The following ANKRD46 variants were observed in gnomAD, a reference collection of about 807,000 sequenced individuals.
ANKRD46 encodes ankyrin repeat domain-containing protein 46.
Under a neutral mutation model 19.8 loss-of-function variants are expected in ANKRD46, and 13 were observed. The ratio of observed to expected loss-of-function variants is 0.66; its 90% confidence interval spans 0.43 to 1.04. The LOEUF is 1.04. Among genes scored for constraint, ANKRD46 ranks in the 50% least tolerant of loss-of-function variants. ANKRD46 has a pLI of 0.00. For missense variants in ANKRD46, 185 were observed against 274.8 expected, an observed-to-expected ratio of 0.67 and a Z score of 2.31; for synonymous variants, 91 against 106.9, an observed-to-expected ratio of 0.85 and a Z score of 0.92.
downstream of ANKRD46, chr8:100,520,701 C>A (rs1811705796): frequency 1.5e-6 from 1 of 686,362 alleles, no homozygotes. Flanking sequence ...CAGCTAATTG[C>A]AATCCATTAC....
At chr8:100,518,777 G>A (rs182055605), downstream of ANKRD46, among the ~76,000 whole-genome samples, 21 of 152,012 alleles carry the variant, frequency 1.4e-4, no homozygotes, top group African/African-American at 3.1e-4. Context: ...GCGTGAACCC[G>A]GGAGGCAGAG....
At position 100,529,546 on chromosome 8, in the gene ANKRD46, G is replaced by A. The variant is rs751551830; in HGVS notation, c.288C>T (p.Ser96=). 1.4e-5 allele frequency: 22 copies of A among 1,612,368 alleles called. No homozygotes were observed. The Admixed American group carries it at 3.7e-4, about 27-fold the overall frequency. Residue 96 remains serine, a synonymous_variant, in exon 3 of 5, where the codon TCC becomes TCT. Transcript: ENST00000335659. The surrounding 1 kb of genome is among the most constrained non-coding windows in gnomAD (Gnocchi z 5.8). The part of the protein sequence containing the change: ...GHVDTIQFLV[S]NGLKIDICNH... The stretch of plus-strand genomic sequence containing the variant: ...ACCAAATATCAATTTTGAGTCCATT[G>A]GAAACCAAAAATTGGATAGTATCCA...
intron 1 of ANKRD46, chr8:100,551,542 G>A: frequency 3.7e-6 from 3 of 805,536 alleles, no homozygotes; most frequent in Non-Finnish European, 6.3e-6. Flanking sequence ...CCTTGACGGT[G>A]TGGTGGAATT....
intron 3 of ANKRD46, 134 bp from the exon 4 acceptor site, chr8:100,528,137 C>CCAT: frequency 1.0e-6 from 1 of 992,132 alleles, no homozygotes; most frequent in Non-Finnish European, 1.4e-6. Flanking sequence ...CAATTAGGGC[C>CCAT]TACCCTAGGG....
rs1811915351 is a variant in ANKRD46 at position 100,529,595 on chromosome 8, G to A, written c.239C>T (p.Thr80Ile). ...DLLATDYQGN[T>I]ALHLCGHVDT... ...CACATGGCCACAGAGGTGAAGAGCT[G>A]TGTTTCCTTGATAATCTGTGGCCAG... The change falls in exon 3 of 5, where the codon ACA becomes ATA. Residue 80 changes from threonine (T) to isoleucine (I), a missense_variant. By Grantham distance (89) the Thr-to-Ile change is moderately conservative. Coordinates refer to ENST00000335659, the MANE Select transcript of ANKRD46 (RefSeq NM_001270377.2). This position sits in a 1 kb window ranked among gnomAD's most constrained non-coding sequence, Gnocchi z 5.8. 1.2e-6 allele frequency: 2 copies of A among 1,614,148 alleles called. No individual in the cohort carries two copies. Among genetic ancestry groups the A allele is most frequent in the African/African-American group, 1.3e-5 (1 of 74,958 alleles).
Position 100,546,744 on chromosome 8 carries a change from CA to C in ANKRD46, c.-131+12966del, listed in dbSNP as rs1289835447. 2.6e-5 allele frequency among the ~76,000 whole-genome samples: 4 copies of C among 152,234 alleles called. No homozygotes were observed. The highest frequency in any genetic ancestry group is 4.4e-5 in the Non-Finnish European group (3 of 68,046). On this transcript the variant is annotated intron_variant, in intron 1 of 4. Transcript: ENST00000335659. This position sits in a 1 kb window ranked among gnomAD's most constrained non-coding sequence, Gnocchi z 4.0. ...TTGCACCATGCATCTGGAAAAGCCA[CA>C]AGCATTTAATGCCAGCCCATGAAAG...
chr8:100,551,686 T>C (rs1812393737), intron 1 of ANKRD46: 3 of 636,122 alleles, frequency 4.7e-6, no homozygotes, highest in Non-Finnish European at 5.9e-6. Flanking sequence ...GGCCCAAATC[T>C]ATTTACTCTG....
chr8:100,514,374 A>T (rs934458473), intron 5 of ANKRD46, among the ~76,000 whole-genome samples: 1 of 152,188 alleles, frequency 6.6e-6, no homozygotes, highest in Non-Finnish European at 1.5e-5. Context: ...CTATTTTTAA[A>T]AAAAAAATTA....
intron 2 of ANKRD46, among the ~76,000 whole-genome samples, chr8:100,531,241 G>A (rs961091915): frequency 6.6e-6 from 1 of 152,190 alleles, no homozygotes; most frequent in Admixed American, 6.5e-5. Context: ...TTATTCTTAG[G>A]TTACAAAAGC....
rs1458579363 is a variant in ANKRD46 at position 100,546,889 on chromosome 8, G to C, written c.-131+12822C>G. Among the ~76,000 whole-genome samples the C allele has an allele frequency of 6.6e-6, 1 of 152,248 alleles. No individual in the cohort carries two copies. On this transcript the variant is annotated intron_variant, in intron 1 of 4. Coordinates refer to ENST00000335659, the MANE Select transcript of ANKRD46 (RefSeq NM_001270377.2). This position sits in a 1 kb window ranked among gnomAD's most constrained non-coding sequence, Gnocchi z 4.0. Reference sequence around the variant, plus strand: ...GAGTTTAAGATTCAATGACTGCCTGGCTGGGTTTCAGACTTGCATGAGGCC... The same window carrying C: ...GAGTTTAAGATTCAATGACTGCCTGCCTGGGTTTCAGACTTGCATGAGGCC...
At chr8:100,513,168 T>C (rs1811575131) in intron 5 of ANKRD46, among the ~76,000 whole-genome samples, 1 of 152,216 alleles carries the variant, frequency 6.6e-6, no homozygotes, top group Admixed American at 6.5e-5. Context: ...ATAAAACACA[T>C]ATAACATACA....
Position 100,525,156 on chromosome 8 carries a change from C to A in ANKRD46, c.471-2385G>T, listed in dbSNP as rs1477191447. On this transcript the variant is annotated intron_variant, in intron 4 of 4. Coordinates refer to ENST00000335659, the MANE Select transcript of ANKRD46 (RefSeq NM_001270377.2). The surrounding 1 kb of genome is among the most constrained non-coding windows in gnomAD (Gnocchi z 4.4). ...AATATTATAGTAAATACATTTAAAA[C>A]CCTGCTTTATCTTCTGCTCTAGAAA... 6.6e-6 allele frequency among the ~76,000 whole-genome samples: 1 copy of A among 152,162 alleles called. No individual in the cohort carries two copies. The highest frequency in any genetic ancestry group is 2.4e-5 in the African/African-American group (1 of 41,450).
downstream of ANKRD46, among the ~76,000 whole-genome samples, chr8:100,516,027 C>T (rs886904519): frequency 2.0e-5 from 3 of 152,174 alleles, no homozygotes; most frequent in Non-Finnish European, 4.4e-5. Flanking sequence ...CATGCGCCAC[C>T]ATGCCCAGCT....
chr8:100,552,561 G>A (rs1237487166), intron 1 of ANKRD46, among the ~76,000 whole-genome samples: 1 of 152,096 alleles, frequency 6.6e-6, no homozygotes, highest in Non-Finnish European at 1.5e-5. Flanking sequence ...ATATGCTTTG[G>A]AGGGGTCAGT....
intron 1 of ANKRD46, among the ~76,000 whole-genome samples, chr8:100,555,262 T>TA (rs144004497): frequency 3.8e-4 from 54 of 141,304 alleles, no homozygotes; most frequent in East Asian, 1.9e-3. Flanking sequence ...TTTTAAAGGA[T>TA]AAAAAAAAAA....
At chr8:100,514,775 G>A (rs1351346617) in intron 5 of ANKRD46, among the ~76,000 whole-genome samples, 2 of 151,932 alleles carry the variant, frequency 1.3e-5, no homozygotes, top group Non-Finnish European at 2.9e-5. Context: ...AAGTAGCTGG[G>A]ACTACAGACA....
At chr8:100,555,950 G>A (rs1011635403) in intron 1 of ANKRD46, among the ~76,000 whole-genome samples, 9 of 152,008 alleles carry the variant, frequency 5.9e-5, no homozygotes, top group East Asian at 1.9e-4. Flanking sequence ...ATTTTACTGC[G>A]TACCTTGATT....
chr8:100,547,834 C>A lies in ANKRD46; in HGVS notation c.-131+11877G>T, dbSNP rs186024058. 1.7e-4 allele frequency among the ~76,000 whole-genome samples: 26 copies of A among 152,290 alleles called. No homozygotes were observed. The East Asian group carries it at 2.9e-3, about 17-fold the overall frequency. ...AAATTCTTTTTCCATTTTATTGACA[C>A]TGCTTTCACTCTTAATTTGTGCCCT... On this transcript the variant is annotated intron_variant, in intron 1 of 4. Transcript: ENST00000335659.
chr8:100,518,830 C>T (rs527555502), downstream of ANKRD46, among the ~76,000 whole-genome samples: 27 of 148,936 alleles, frequency 1.8e-4, no homozygotes, highest in Middle Eastern at 3.5e-3. Context: ...CCAGCCTGGG[C>T]GACAGAGCGA....
Sources: gnomAD v4.1 joint callset for allele counts (sites outside exome capture counted in the v4.1 genomes callset) on GRCh38, gnomAD v4.1.1 for gene constraint, Gnocchi (gnomAD v3.1) non-coding constraint, MANE v1.5 for transcripts, NCBI Gene and HGNC (gene_info 2026-07-23, HGNC 2026-07-21) for gene names.